The following NELFCD variants were observed in gnomAD, a reference collection of about 807,000 sequenced individuals.
NELFCD encodes the protein negative elongation factor complex member C/D.
In NELFCD, 48 loss-of-function variants were observed where a neutral mutation model predicts 72.9. The observed-to-expected ratio is 0.66, with a 90% confidence interval of 0.52 to 0.84. NELFCD has a LOEUF of 0.84. NELFCD is among the 40% of genes least tolerant of loss of function. The pLI, the probability that NELFCD is intolerant of heterozygous loss-of-function variation, is 0.00. For missense variants in NELFCD, 538 were observed against 723.8 expected (o/e 0.74, Z 2.94); for synonymous variants, 297 against 280.6 (o/e 1.06, Z -0.59).
At position 58,994,562 on chromosome 20, in the gene NELFCD, CAAAAAAAA is replaced by C. The variant is rs374709307; in HGVS notation, c.1712-69_1712-62del. The C allele has an allele frequency of 4.8e-5, 40 of 835,874 alleles. 1 individual carries two copies. Among genetic ancestry groups the C allele is most frequent in the Admixed American group, 2.6e-4 (9 of 34,998 alleles). The allele number at this position is 835,874 out of a possible 1,614,324, so 51.8% of individuals were successfully genotyped here. A position where few individuals can be genotyped will look rare whatever the true frequency, so the allele number is the denominator to read the frequency against. On this transcript the variant is annotated intron_variant, in intron 14 of 14. Coordinates refer to ENST00000652272, the MANE Select transcript of NELFCD (RefSeq NM_198976.4). The stretch of plus-strand genomic sequence containing the variant: ...GGGCAACAAGAGCAAAACTGCATCT[CAAAAAAAA>C]AAAAAAAAAAGAAAGAAAATGTCAT...
intron 4 of NELFCD, 71 bp from the exon 5 acceptor site, chr20:58,988,843 A>G (rs1461093306): frequency 3.5e-6 from 4 of 1,127,364 alleles, no homozygotes; most frequent in East Asian, 4.7e-5. Flanking sequence ...GTGATCGTTT[A>G]TACAACAGAA....
At chr20:58,983,220 G>A (rs887444371) in intron 1 of NELFCD, among the ~76,000 whole-genome samples, 3 of 144,518 alleles carry the variant, frequency 2.1e-5, no homozygotes, top group African/African-American at 5.1e-5. Flanking sequence ...CGCTGCAACT[G>A]CCATCTCCTG....
rs1239708686 is a variant in NELFCD at position 58,994,712 on chromosome 20, C to G, written c.*36C>G. On this transcript the variant is annotated 3_prime_UTR_variant, in exon 15 of 15. Transcript: ENST00000652272. ...CCTCCAGAGCTGAAGCAGAACATTC[C>G]AGAACCCGTTGTGGAAAAACCCTTT... 6.3e-7 allele frequency: 1 copy of G among 1,576,078 alleles called. No homozygotes were observed. The highest frequency in any genetic ancestry group is 1.7e-5 in the Admixed American group (1 of 57,916).
At position 58,993,610 on chromosome 20, in the gene NELFCD, C is replaced by G; in HGVS notation, c.1441-14C>G. ...ACCCTCTCTAACCAGCTCCCTGTCC[C>G]CCTTCTTCTGTAGCTTGAGTTGAAG... On this transcript the variant is annotated splice_polypyrimidine_tract_variant and intron_variant, in intron 12 of 14. Transcript: ENST00000652272. The surrounding 1 kb of genome is among the most constrained non-coding windows in gnomAD (Gnocchi z 5.0). 2 of 1,614,224 alleles carry G rather than the reference C, an allele frequency of 1.2e-6. No homozygotes were observed. Among genetic ancestry groups the G allele is most frequent in the South Asian group, 1.1e-5 (1 of 91,086 alleles).
Position 58,994,943 on chromosome 20 carries a change from A to G in NELFCD, c.*267A>G, listed in dbSNP as rs550525326. On this transcript the variant is annotated 3_prime_UTR_variant, in exon 15 of 15. Coordinates refer to ENST00000652272, the MANE Select transcript of NELFCD (RefSeq NM_198976.4). ...CCCTCAAGGCAGGCGCTGGGCTCCC[A>G]CGACCCCTCAGGACAGATCTGGCCG... 1.0e-4 allele frequency: 50 copies of G among 485,356 alleles called. No individual in the cohort carries two copies. The highest frequency in any genetic ancestry group is 8.8e-5 in the Non-Finnish European group (24 of 273,770). The allele number at this position is 485,356 out of a possible 1,614,324, so 30.1% of individuals were successfully genotyped here. A position where few individuals can be genotyped will look rare whatever the true frequency, so the allele number is the denominator to read the frequency against.
intron 4 of NELFCD, 133 bp from the exon 5 acceptor site, chr20:58,988,781 T>G: frequency 1.6e-6 from 1 of 639,380 alleles, no homozygotes; most frequent in Non-Finnish European, 2.8e-6. Context: ...GCTCTGGGTC[T>G]GCCTCCCCCA....
chr20:58,983,763 G>T (rs1329042793), intron 1 of NELFCD, among the ~76,000 whole-genome samples: 1 of 152,152 alleles, frequency 6.6e-6, no homozygotes, highest in African/African-American at 2.4e-5. Context: ...GTTAGAACTG[G>T]GGCATATAAG....
rs2091833149 is a variant in NELFCD at position 58,993,540 on chromosome 20, A to C, written c.1436A>C (p.Glu479Ala). 4 of 1,614,162 alleles carry C rather than the reference A, an allele frequency of 2.5e-6. No homozygotes were observed. The highest frequency in any genetic ancestry group is 3.4e-6 in the Non-Finnish European group (4 of 1,180,030). Residue 479 changes from glutamate to alanine, a missense_variant, in exon 12 of 15, where the codon GAG becomes GCG. By Grantham distance (107) the Glu-to-Ala change is moderately radical. Around this residue, in one of 3 missense-constraint regions of NELFCD, gnomAD observed 136 missense variants for 154.0 expected, o/e 0.88. Transcript: ENST00000652272. The surrounding 1 kb of genome is among the most constrained non-coding windows in gnomAD (Gnocchi z 5.0). The part of the protein sequence containing the change: ...ETEHSQLDVM[E>A]QLELKKTLLD... ...GAGCACTCCCAGCTGGACGTGATGG[A>C]GCAGGTGAGCAGTGCCCGTGGGGCT...
Position 58,993,532 on chromosome 20 carries a change from C to T in NELFCD, c.1428C>T (p.Asp476=), listed in dbSNP as rs372330781. The change falls in exon 12 of 15, where the codon GAC becomes GAT. Residue 476 remains aspartate, a synonymous_variant. Coordinates refer to ENST00000652272, the MANE Select transcript of NELFCD (RefSeq NM_198976.4). This position sits in a 1 kb window ranked among gnomAD's most constrained non-coding sequence, Gnocchi z 5.0. ...TTGAGACTGAGCACTCCCAGCTGGA[C>T]GTGATGGAGCAGGTGAGCAGTGCCC... The part of the protein sequence containing the change: ...KLFETEHSQL[D]VMEQLELKKT... 59 of 1,614,194 alleles carry T rather than the reference C, an allele frequency of 3.7e-5. No individual in the cohort carries two copies. The highest frequency in any genetic ancestry group is 5.0e-5 in the Admixed American group (3 of 60,022).
intron 1 of NELFCD, among the ~76,000 whole-genome samples, chr20:58,985,544 C>T (rs1314889672): frequency 6.6e-6 from 1 of 152,160 alleles, no homozygotes; most frequent in Non-Finnish European, 1.5e-5. Context: ...AGAATTGGGA[C>T]TGGAGTCCAG....
chr20:58,993,897 C>T lies in NELFCD; in HGVS notation c.1581+133C>T, dbSNP rs1005547033. The T allele has an allele frequency of 1.7e-5, 21 of 1,208,734 alleles. No homozygotes were observed. The highest frequency in any genetic ancestry group is 1.1e-4 in the African/African-American group (7 of 66,490). 74.9% of individuals were successfully genotyped at this position (1,208,734 alleles called of 1,614,324 possible). ...TGTAGTGATGACAATGACAGATACT[C>T]GTTTACCAAAAAGCACCTTCTGCCT... On this transcript the variant is annotated intron_variant, in intron 13 of 14. Transcript: ENST00000652272. The surrounding 1 kb of genome is among the most constrained non-coding windows in gnomAD (Gnocchi z 5.0).
rs115513399 is a variant in NELFCD at position 58,991,830 on chromosome 20, A to G, written c.1090-51A>G. The G allele has an allele frequency of 9.3e-4, 1,488 of 1,596,694 alleles. 16 individuals are homozygous for G. In the African/African-American group the frequency reaches 0.016, roughly 17 times the overall value. On this transcript the variant is annotated intron_variant, in intron 9 of 14. Transcript: ENST00000652272. ...GTGGCCGACACCAGAACACCCCGAC[A>G]GCAGGGATATCTGCCCTGTCAGGCT...
chr20:58,987,129 G>T, intron 3 of NELFCD: 1 of 439,644 alleles, frequency 2.3e-6, no homozygotes, highest in Non-Finnish European at 4.0e-6. Context: ...CCATGTTGTA[G>T]AATTATAGGA....
At chr20:58,992,848 C>CAAAAAAAAAAAAAAA (rs371549496) in intron 10 of NELFCD, 150 bp from the exon 11 acceptor site, 3 of 418,026 alleles carry the variant, frequency 7.2e-6, no homozygotes. Context: ...GACCCTGTCT[C>CAAAAAAAAAAAAAAA]AAAAAAAAAA....
Position 58,994,095 on chromosome 20 carries a change from T to C in NELFCD, c.1582-15T>C, listed in dbSNP as rs1233481589. 2.5e-6 allele frequency: 4 copies of C among 1,613,762 alleles called. No homozygotes were observed. In the African/African-American group the frequency reaches 4.0e-5, roughly 16 times the overall value. ...CTAGTGTGCGGAAGAAGTCACCCTG[T>C]GCTCCCCCACGCAGGTGCTGGACGT... is the stretch of plus-strand genomic sequence containing the variant. On this transcript the variant is annotated splice_polypyrimidine_tract_variant and intron_variant, in intron 13 of 14. Coordinates refer to ENST00000652272, the MANE Select transcript of NELFCD (RefSeq NM_198976.4).
At chr20:58,984,313 A>C (rs1184606467) in intron 1 of NELFCD, among the ~76,000 whole-genome samples, 3 of 152,140 alleles carry the variant, frequency 2.0e-5, no homozygotes, top group African/African-American at 7.2e-5. Flanking sequence ...TAAGCAGGAG[A>C]GAGACGTCAG....
Position 58,993,324 on chromosome 20 carries a change from TG to T in NELFCD, c.1345-123del. On this transcript the variant is annotated intron_variant, in intron 11 of 14. Coordinates refer to ENST00000652272, the MANE Select transcript of NELFCD (RefSeq NM_198976.4). The surrounding 1 kb of genome is among the most constrained non-coding windows in gnomAD (Gnocchi z 5.0). ...AAGTGTTACTGGAAGCTGATGGCCC[TG>T]GCTTAGGTGTCAGGACCTTCTTCCA... 1.0e-6 allele frequency: 1 copy of T among 955,850 alleles called. No individual in the cohort carries two copies. The highest frequency in any genetic ancestry group is 1.6e-6 in the Non-Finnish European group (1 of 638,396). The allele number at this position is 955,850 out of a possible 1,614,324, so 59.2% of individuals were successfully genotyped here.
intron 1 of NELFCD, among the ~76,000 whole-genome samples, chr20:58,984,814 G>A (rs1047937155): frequency 6.6e-6 from 1 of 152,298 alleles, no homozygotes; most frequent in African/African-American, 2.4e-5. Context: ...AGAGGTGGTG[G>A]AAGAGGCAGG....
At position 58,986,987 on chromosome 20, in the gene NELFCD, A is replaced by G; in HGVS notation, c.286+124A>G. The G allele has an allele frequency of 1.7e-6, 1 of 593,044 alleles. No individual in the cohort carries two copies. Among genetic ancestry groups the G allele is most frequent in the South Asian group, 2.3e-5 (1 of 43,108 alleles). 36.7% of individuals were successfully genotyped at this position (593,044 alleles called of 1,614,324 possible). A position where few individuals can be genotyped will look rare whatever the true frequency, so the allele number is the denominator to read the frequency against. On this transcript the variant is annotated intron_variant, in intron 3 of 14. Coordinates refer to ENST00000652272, the MANE Select transcript of NELFCD (RefSeq NM_198976.4). The surrounding 1 kb of genome is among the most constrained non-coding windows in gnomAD (Gnocchi z 4.4). Reference sequence around the variant, plus strand: ...TCCTGGTTTCTGAGACTTGTGTAAGAAAGAGCTGAACTTCTTACTCATTTT... The same window carrying G: ...TCCTGGTTTCTGAGACTTGTGTAAGGAAGAGCTGAACTTCTTACTCATTTT...
Sources: gnomAD v4.1 joint callset for allele counts (sites outside exome capture counted in the v4.1 genomes callset) on GRCh38, gnomAD v4.1.1 for gene constraint, gnomAD v4.1.1 regional missense constraint, Gnocchi (gnomAD v3.1) non-coding constraint, MANE v1.5 for transcripts, NCBI Gene and HGNC (gene_info 2026-07-23, HGNC 2026-07-21) for gene names.